Variants in ZFPM1 observed in about 807,000 individuals in gnomAD.
ZFPM1 encodes zinc finger protein ZFPM1.
In ZFPM1, 28 loss-of-function variants were observed where a neutral mutation model predicts 46.3. The observed-to-expected ratio is 0.60, with a 90% confidence interval of 0.45 to 0.83. The LOEUF is 0.83. Ranked by LOEUF, ZFPM1 falls within the 40% of genes least tolerant of loss-of-function variation. The pLI is 0.00. For missense variants in ZFPM1, 1,878 were observed against 1,432.4 expected (o/e 1.31, Z -5.02); for synonymous variants, 957 against 675.9 (o/e 1.42, Z -6.45).
At chr16:88,502,129 G>A (rs916163685) in intron 3 of ZFPM1, among the ~76,000 whole-genome samples, 10 of 134,010 alleles carry the variant, frequency 7.5e-5, no homozygotes, top group East Asian at 2.2e-4. Flanking sequence ...CCTTCTCTGC[G>A]TGTAACTTTT....
intron 3 of ZFPM1, among the ~76,000 whole-genome samples, chr16:88,490,472 A>G (rs10852622): frequency 0.35 from 52,830 of 152,110 alleles, 9,739 homozygotes; most frequent in African/African-American, 0.45. Flanking sequence ...GAGAAGATGC[A>G]TGGTGAGGCG....
intron 1 of ZFPM1, among the ~76,000 whole-genome samples, chr16:88,454,214 A>G (rs1308181765): frequency 6.6e-6 from 1 of 151,666 alleles, no homozygotes; most frequent in African/African-American, 2.4e-5. Flanking sequence ...AGTGGCAGGC[A>G]CCGGCCCGCG....
At chr16:88,495,281 A>C (rs1005049372) in intron 3 of ZFPM1, among the ~76,000 whole-genome samples, 4 of 152,214 alleles carry the variant, frequency 2.6e-5, no homozygotes, top group African/African-American at 9.6e-5. Flanking sequence ...AAACAGGTGC[A>C]GGAAAAGGCC....
At position 88,486,027 on chromosome 16, in the gene ZFPM1, G is replaced by A. The variant is rs1477128454; in HGVS notation, c.129G>A (p.Pro43=). The A allele has an allele frequency of 6.2e-6, 10 of 1,612,250 alleles. No homozygotes were observed. The highest frequency in any genetic ancestry group is 2.2e-5 in the East Asian group (1 of 44,846). ...AAAAGGCCACGGCACCTGAAGCCCC[G>A]AGCCCTCCCAGCGCAGGTGAGTCAG... is the stretch of plus-strand genomic sequence containing the variant. ...MEQKATAPEA[P]SPPSADVNSP... Residue 43 remains proline, a synonymous_variant, in exon 2 of 10, where the codon CCG becomes CCA. Transcript: ENST00000319555.
chr16:88,499,381 C>T (rs9927078), intron 3 of ZFPM1, among the ~76,000 whole-genome samples: 1 of 102,286 alleles, frequency 9.8e-6, no homozygotes, highest in African/African-American at 2.9e-5. Context: ...TCCAGAGCAG[C>T]CGCGGAGGAG....
In ZFPM1 at chr16:88,536,981, CTG is replaced by C. The variant is rs1333632460; in HGVS notation, c.*2008_*2009del. On this transcript the variant is annotated 3_prime_UTR_variant, in exon 10 of 10. Coordinates refer to ENST00000319555, the MANE Select transcript of ZFPM1 (RefSeq NM_153813.3). ...ATAGAAACCTGGTGGGGGGTTGTCA[CTG>C]TGTGTACATTTAAAAGTAAACTGTT... 1 of 152,126 alleles carries C rather than the reference CTG, an allele frequency of 6.6e-6. No individual in the cohort carries two copies. The highest frequency in any genetic ancestry group is 1.5e-5 in the Non-Finnish European group (1 of 68,016). 9.4% of individuals were successfully genotyped at this position (152,126 alleles called of 1,614,324 possible).
At chr16:88,524,037 G>C (rs1296622158) in intron 4 of ZFPM1, among the ~76,000 whole-genome samples, 1 of 152,250 alleles carries the variant, frequency 6.6e-6, no homozygotes, top group East Asian at 1.9e-4. Flanking sequence ...CTGCTCCTGG[G>C]AGTGATAAGC....
rs868735294 is a variant in ZFPM1 at position 88,514,389 on chromosome 16, G to A, written c.271G>A (p.Glu91Lys). The A allele has an allele frequency of 1.0e-5, 16 of 1,564,084 alleles. No individual in the cohort carries two copies. The highest frequency in any genetic ancestry group is 3.5e-6 in the Non-Finnish European group (4 of 1,154,992). The change falls in exon 4 of 10, where the codon GAG becomes AAG. Residue 91 changes from glutamate (E) to lysine (K), a missense_variant and splice_region_variant. Coordinates refer to ENST00000319555, the MANE Select transcript of ZFPM1 (RefSeq NM_153813.3). Reference protein sequence around the residue: ...EPGSPWSGPDELEPVVQDGQR... With the variant: ...EPGSPWSGPDKLEPVVQDGQR... The stretch of plus-strand genomic sequence containing the variant: ...ATGCCTGCGATGTCTCTCTGCAGAC[G>A]AGCTGGAGCCGGTGGTGCAGGATGG...
chr16:88,456,907 T>G (rs1256794794), intron 1 of ZFPM1, among the ~76,000 whole-genome samples: 1 of 152,144 alleles, frequency 6.6e-6, no homozygotes, highest in African/African-American at 2.4e-5. Flanking sequence ...CTAGGCCATC[T>G]GGGTAGGGCC....
intron 5 of ZFPM1, among the ~76,000 whole-genome samples, chr16:88,527,329 G>A (rs1912418637): frequency 6.6e-6 from 1 of 152,240 alleles, no homozygotes; most frequent in African/African-American, 2.4e-5. Flanking sequence ...CTGGCTCCAG[G>A]AACGGTCAAG....
intron 3 of ZFPM1, among the ~76,000 whole-genome samples, chr16:88,509,554 G>A (rs1194456795): frequency 1.3e-5 from 2 of 152,260 alleles, no homozygotes; most frequent in African/African-American, 4.8e-5. Flanking sequence ...GCCTTCACCT[G>A]CCTCCTCAAG....
chr16:88,490,057 T>C (rs1441685993), intron 3 of ZFPM1, among the ~76,000 whole-genome samples: 1 of 132,314 alleles, frequency 7.6e-6, no homozygotes, highest in Non-Finnish European at 1.6e-5. Flanking sequence ...GTATTTATTA[T>C]TTTTTTTTTT....
In ZFPM1 at chr16:88,534,822, A is replaced by C; in HGVS notation, c.2864A>C (p.Lys955Thr). 1 of 1,533,166 alleles carries C rather than the reference A, an allele frequency of 6.5e-7. No individual in the cohort carries two copies. Among genetic ancestry groups the C allele is most frequent in the Non-Finnish European group, 8.7e-7 (1 of 1,146,582 alleles). The allele number at this position is 1,533,166 out of a possible 1,614,324, so 95.0% of individuals were successfully genotyped here. A position where few individuals can be genotyped will look rare whatever the true frequency, so the allele number is the denominator to read the frequency against. Residue 955 changes from lysine to threonine, a missense_variant, in exon 10 of 10, where the codon AAG (lysine) becomes ACG (threonine). By Grantham distance (78) the Lys-to-Thr change is moderately conservative. Coordinates refer to ENST00000319555, the MANE Select transcript of ZFPM1 (RefSeq NM_153813.3). ...PPPAPPSYSD[K>T]GVQTPSKGTP... ...CCGGCGCCCCCCTCCTACTCGGACAAGGGCGTCCAGACTCCCAGCAAGGGC... is the reference window on the plus strand; with the variant it reads ...CCGGCGCCCCCCTCCTACTCGGACACGGGCGTCCAGACTCCCAGCAAGGGC...
intron 1 of ZFPM1, among the ~76,000 whole-genome samples, chr16:88,453,988 A>C (rs530964595): frequency 3.1e-4 from 47 of 152,248 alleles, no homozygotes; most frequent in African/African-American, 8.7e-4. Flanking sequence ...CGCATCTGCG[A>C]GATGGTGCGG....
Position 88,535,544 on chromosome 16 carries a change from C to G in ZFPM1, c.*565C>G, listed in dbSNP as rs1913212336. 1 of 152,474 alleles carries G rather than the reference C, an allele frequency of 6.6e-6. No homozygotes were observed. Among genetic ancestry groups the G allele is most frequent in the Non-Finnish European group, 1.5e-5 (1 of 68,206 alleles). 9.4% of individuals were successfully genotyped at this position (152,474 alleles called of 1,614,324 possible). On this transcript the variant is annotated 3_prime_UTR_variant, in exon 10 of 10. Coordinates refer to ENST00000319555, the MANE Select transcript of ZFPM1 (RefSeq NM_153813.3). ...CCGATGTCCCCCATCCAGTCACAGA[C>G]CACCAGGGATGGCAGGGGTGGGGGC...
chr16:88,452,099 C>T (rs985907634), upstream of ZFPM1, among the ~76,000 whole-genome samples: 26 of 152,204 alleles, frequency 1.7e-4, no homozygotes, highest in African/African-American at 6.3e-4. Flanking sequence ...CTGTCTGCCC[C>T]TGGGCCCACT....
rs1403279136 is a variant in ZFPM1, at chr16:88,479,874, G to A, written c.41-6065G>A. ...CTCCCTCCCCCCCGCTGCCACCCCC[G>A]CAGTACTTCCTCCCCCAGCCCTGGC... On this transcript the variant is annotated intron_variant, in intron 1 of 9. Transcript: ENST00000319555. Among the ~76,000 whole-genome samples the A allele has an allele frequency of 3.0e-4, 15 of 50,168 alleles. No homozygotes were observed. In the South Asian group the frequency reaches 3.8e-3, roughly 13 times the overall value. The allele number at this position is 50,168 out of a possible 152,430, so 32.9% of individuals were successfully genotyped here.
chr16:88,455,054 C>T (rs1907474165), intron 1 of ZFPM1, among the ~76,000 whole-genome samples: 1 of 152,104 alleles, frequency 6.6e-6, no homozygotes, highest in Non-Finnish European at 1.5e-5. Flanking sequence ...GTATTAAAAG[C>T]CACCCACAGG....
intron 1 of ZFPM1, among the ~76,000 whole-genome samples, chr16:88,481,162 A>G (rs1158525368): frequency 6.6e-6 from 1 of 152,198 alleles, no homozygotes; most frequent in East Asian, 1.9e-4. Context: ...TGTGATAACC[A>G]AGGGGCTCCG....
Sources: gnomAD v4.1 joint callset for allele counts (sites outside exome capture counted in the v4.1 genomes callset) on GRCh38, gnomAD v4.1.1 for gene constraint, MANE v1.5 for transcripts, NCBI Gene and HGNC (gene_info 2026-07-23, HGNC 2026-07-21) for gene names.